Variants in KIF16B observed in about 807,000 individuals in gnomAD.
KIF16B encodes the protein kinesin-like protein KIF16B.
A neutral mutation model predicts 156.3 loss-of-function variants in KIF16B; 98 were observed. That is an observed-to-expected ratio of 0.63 (90% confidence interval 0.53 to 0.74). The LOEUF is 0.74. KIF16B is among the 30% of genes least tolerant of loss of function. The pLI is 0.00. For synonymous variants in KIF16B, 564 were observed against 583.7 expected (o/e 0.97, Z 0.49); for missense variants, 1,421 against 1,606.5 (o/e 0.88, Z 1.97).
intron 3 of KIF16B, among the ~76,000 whole-genome samples, chr20:16,524,557 A>G (rs2069468435): frequency 6.6e-6 from 1 of 152,192 alleles, no homozygotes; most frequent in South Asian, 2.1e-4. Flanking sequence ...GAGAAATAGG[A>G]ACGCTTTTAC....
chr20:16,446,626 G>T (rs2066938315), intron 12 of KIF16B, among the ~76,000 whole-genome samples: 1 of 152,112 alleles, frequency 6.6e-6, no homozygotes, highest in South Asian at 2.1e-4. Context: ...AAACAGACTA[G>T]ATCTTTAATT....
chr20:16,470,057 A>C (rs918926232), intron 12 of KIF16B, among the ~76,000 whole-genome samples: 1 of 152,214 alleles, frequency 6.6e-6, no homozygotes, highest in Non-Finnish European at 1.5e-5. Context: ...TATTTAATGT[A>C]TATTAAATAA....
rs191474764 is a variant in KIF16B at position 16,506,623 on chromosome 20, C to G, written c.700-433G>C. Among the ~76,000 whole-genome samples the G allele has an allele frequency of 4.5e-4, 68 of 152,306 alleles. 1 individual carries two copies. Among genetic ancestry groups the G allele is most frequent in the African/African-American group, 1.6e-3 (65 of 41,562 alleles). ...ATTCAACCATTATCGGATGTTAAAA[C>G]ATCTTGTTGCACAAATTATTTCTTT... On this transcript the variant is annotated intron_variant, in intron 7 of 25. Transcript: ENST00000354981.
chr20:16,300,307 T>G (rs1299650244), intron 25 of KIF16B, among the ~76,000 whole-genome samples: 1 of 152,212 alleles, frequency 6.6e-6, no homozygotes, highest in African/African-American at 2.4e-5. Flanking sequence ...GTGAGCCACT[T>G]CTAATAAAAT....
intron 15 of KIF16B, among the ~76,000 whole-genome samples, chr20:16,425,732 G>A (rs2066334701): frequency 6.6e-6 from 1 of 152,134 alleles, no homozygotes; most frequent in Non-Finnish European, 1.5e-5. Flanking sequence ...AATGAGATAT[G>A]AGAAAAACAG....
At chr20:16,453,440 C>T (rs2067137167) in intron 12 of KIF16B, among the ~76,000 whole-genome samples, 1 of 152,024 alleles carries the variant, frequency 6.6e-6, no homozygotes, top group Non-Finnish European at 1.5e-5. Flanking sequence ...AATAAATATA[C>T]ATACACATAC....
intron 24 of KIF16B, among the ~76,000 whole-genome samples, chr20:16,316,256 T>C (rs932848302): frequency 6.6e-6 from 1 of 152,212 alleles, no homozygotes; most frequent in Admixed American, 6.5e-5. Flanking sequence ...AAGTAAAATA[T>C]CTCATTTGAT....
intron 15 of KIF16B, among the ~76,000 whole-genome samples, chr20:16,411,863 C>T (rs1027098549): frequency 1.3e-5 from 2 of 150,990 alleles, no homozygotes; most frequent in African/African-American, 4.9e-5. Context: ...GAGTTTTCCA[C>T]TTGTGGTGTT....
At chr20:16,498,540 C>T (rs2068520822) in intron 10 of KIF16B, among the ~76,000 whole-genome samples, 1 of 152,072 alleles carries the variant, frequency 6.6e-6, no homozygotes, top group South Asian at 2.1e-4. Flanking sequence ...CTGGACATTG[C>T]CTTTTTAACA....
chr20:16,495,020 GT>G (rs1245573991), intron 11 of KIF16B, among the ~76,000 whole-genome samples: 1 of 152,116 alleles, frequency 6.6e-6, no homozygotes, highest in African/African-American at 2.4e-5. Flanking sequence ...GTAATGTTTT[GT>G]TAGTTCCCTA....
chr20:16,415,995 T>C (rs1458080818), intron 15 of KIF16B, among the ~76,000 whole-genome samples: 1 of 152,190 alleles, frequency 6.6e-6, no homozygotes, highest in African/African-American at 2.4e-5. Context: ...CATATGTTTC[T>C]TGACTACATG....
At chr20:16,469,194 G>A (rs780919213) in intron 12 of KIF16B, among the ~76,000 whole-genome samples, 7 of 146,582 alleles carry the variant, frequency 4.8e-5, no homozygotes, top group South Asian at 2.2e-4. Context: ...GGAGGCTGCC[G>A]TGAGCTTATG....
intron 24 of KIF16B, among the ~76,000 whole-genome samples, chr20:16,331,750 C>G (rs540929108): frequency 7.2e-5 from 11 of 152,144 alleles, no homozygotes; most frequent in East Asian, 5.8e-4. Context: ...TTGTATCAAC[C>G]CTTTGGCTTT....
At chr20:16,509,330 T>C (rs1296664840) in intron 6 of KIF16B, among the ~76,000 whole-genome samples, 1 of 152,188 alleles carries the variant, frequency 6.6e-6, no homozygotes, top group Non-Finnish European at 1.5e-5. Context: ...CCTGTGAATG[T>C]TTATACAGAA....
chr20:16,288,999 C>A (rs73251232), intron 25 of KIF16B, among the ~76,000 whole-genome samples: 1 of 150,984 alleles, frequency 6.6e-6, no homozygotes, highest in African/African-American at 2.4e-5. Flanking sequence ...AATAAACCCA[C>A]GGCCAGTTGA....
intron 22 of KIF16B, among the ~76,000 whole-genome samples, chr20:16,361,417 A>G (rs970337320): frequency 3.3e-5 from 5 of 152,226 alleles, no homozygotes; most frequent in Non-Finnish European, 7.3e-5. Context: ...ACAGGTTCCT[A>G]TCCATTTCCA....
intron 1 of KIF16B, among the ~76,000 whole-genome samples, chr20:16,554,819 A>G (rs1166822145): frequency 6.6e-6 from 1 of 152,240 alleles, no homozygotes; most frequent in Non-Finnish European, 1.5e-5. Flanking sequence ...AGTGCCAGCC[A>G]CGGAAGCTGT....
intron 5 of KIF16B, among the ~76,000 whole-genome samples, chr20:16,512,156 A>G (rs1450128538): frequency 1.3e-5 from 2 of 152,246 alleles, no homozygotes; most frequent in Non-Finnish European, 2.9e-5. Flanking sequence ...CCAAAAAAAA[A>G]AAGGAAGGTA....
chr20:16,536,920 C>T (rs561606583), intron 1 of KIF16B, among the ~76,000 whole-genome samples: 3 of 152,056 alleles, frequency 2.0e-5, no homozygotes, highest in Non-Finnish European at 2.9e-5. Context: ...TGTGACACTC[C>T]ATCAAACAAC....
Sources: gnomAD v4.1 joint callset for allele counts (sites outside exome capture counted in the v4.1 genomes callset) on GRCh38, gnomAD v4.1.1 for gene constraint, MANE v1.5 for transcripts, NCBI Gene and HGNC (gene_info 2026-07-23, HGNC 2026-07-21) for gene names.